Variants in PTPN14 observed in about 807,000 individuals in gnomAD.
PTPN14 encodes the protein protein tyrosine phosphatase non-receptor type 14, also known as tyrosine-protein phosphatase non-receptor type 14.
In PTPN14, 53 loss-of-function variants were observed where a neutral mutation model predicts 126.8. The ratio of observed to expected loss-of-function variants is 0.42; its 90% CI spans 0.34 to 0.53. The LOEUF (loss-of-function observed/expected upper bound fraction) is 0.53, where lower values mean the gene tolerates loss of function less well. Among genes scored for constraint, PTPN14 ranks in the 20% least tolerant of loss-of-function variants. The pLI, the probability that PTPN14 is intolerant of heterozygous loss-of-function variation, is 0.08. For synonymous variants in PTPN14, 630 were observed against 599.3 expected (o/e 1.05, Z -0.75); for missense variants, 1,257 against 1,552.9 (o/e 0.81, Z 3.20).
rs10864101 is a variant in PTPN14, at chr1:214,464,976, T to C, written c.-154-19A>G. On this transcript the variant is annotated intron_variant, in intron 1 of 18. Transcript: ENST00000366956. ...AAGATAGCTGTAAATGCAAAAGAAA[T>C]GCCATGGTCATGCTCCAGAAGGGAC... 591,752 of 723,678 alleles carry C rather than the reference T, an allele frequency of 0.82. 241,813 individuals are homozygous for C. Among genetic ancestry groups the C allele is most frequent in the African/African-American group, 0.9 (50,135 of 55,998 alleles). The allele number at this position is 723,678 out of a possible 1,614,324, so 44.8% of individuals were successfully genotyped here.
At position 214,364,322 on chromosome 1, in the gene PTPN14, C is replaced by A. The variant is rs1480574216; in HGVS notation, c.3435+190G>T. Among the ~76,000 whole-genome samples the A allele has an allele frequency of 1.3e-5, 2 of 152,002 alleles. No individual in the cohort carries two copies. Among genetic ancestry groups the A allele is most frequent in the Non-Finnish European group, 2.9e-5 (2 of 68,012 alleles). ...GTTTTATCTGGGTATCTACACGGAG[C>A]AGTGGGAGGGCAAAAAGATAAGGAG... On this transcript the variant is annotated intron_variant, in intron 18 of 18. Transcript: ENST00000366956. This position sits in a 1 kb window ranked among gnomAD's most constrained non-coding sequence, Gnocchi z 4.1.
intron 1 of PTPN14, among the ~76,000 whole-genome samples, chr1:214,466,165 T>C (rs1660633140): frequency 1.3e-5 from 2 of 151,898 alleles, no homozygotes; most frequent in African/African-American, 4.8e-5. Flanking sequence ...TTTCACCATA[T>C]TGGCCAGGCT....
chr1:214,486,560 G>A (rs145898640), intron 1 of PTPN14, among the ~76,000 whole-genome samples: 3 of 152,232 alleles, frequency 2.0e-5, no homozygotes, highest in Non-Finnish European at 1.5e-5. Context: ...TAGATTCTTC[G>A]GAGTACTTAG....
chr1:214,380,101 G>C (rs1571960754), intron 13 of PTPN14, among the ~76,000 whole-genome samples: 1 of 152,236 alleles, frequency 6.6e-6, no homozygotes, highest in African/African-American at 2.4e-5. Flanking sequence ...TTAGGTCTTT[G>C]TTTGCTTGCT....
intron 13 of PTPN14, among the ~76,000 whole-genome samples, chr1:214,378,582 G>A (rs2102530104): frequency 6.6e-6 from 1 of 152,316 alleles, no homozygotes; most frequent in Middle Eastern, 3.4e-3. Context: ...AAACTGTAGA[G>A]GAAAATCTTC....
At chr1:214,472,153 T>C (rs1660773275) in intron 1 of PTPN14, among the ~76,000 whole-genome samples, 1 of 152,178 alleles carries the variant, frequency 6.6e-6, no homozygotes, top group Non-Finnish European at 1.5e-5. Flanking sequence ...TGAATATATG[T>C]CCTCACCAAA....
chr1:214,432,436 C>T (rs951470805), intron 3 of PTPN14, among the ~76,000 whole-genome samples: 4 of 152,192 alleles, frequency 2.6e-5, no homozygotes, highest in African/African-American at 9.7e-5. Context: ...TACTAACTAG[C>T]ATATGCATAT....
At chr1:214,505,226 G>C (rs77487504) in intron 1 of PTPN14, among the ~76,000 whole-genome samples, 6,732 of 151,814 alleles carry the variant, frequency 0.044, 219 homozygotes, top group Middle Eastern at 0.12. Context: ...TCCAATGCTA[G>C]ATGACACCTG....
rs560388362 is a variant in PTPN14, at chr1:214,432,350, A to T, written c.345-17624T>A. Among the ~76,000 whole-genome samples the T allele has an allele frequency of 2.0e-5, 3 of 152,346 alleles. No individual in the cohort carries two copies. The South Asian group carries it at 6.2e-4, about 32-fold the overall frequency. ...CAGAAAGAAAGAAAAAAGAAACATA[A>T]GACCAAGTATTTAAGATTTCTCAGC... On this transcript the variant is annotated intron_variant, in intron 3 of 18. Coordinates refer to ENST00000366956, the MANE Select transcript of PTPN14 (RefSeq NM_005401.5).
chr1:214,499,401 G>C, intron 1 of PTPN14, among the ~76,000 whole-genome samples: 1 of 151,854 alleles, frequency 6.6e-6, no homozygotes, highest in East Asian at 1.9e-4. Flanking sequence ...ATATATGCTG[G>C]TATACATACA....
chr1:214,407,495 CAAA>C (rs200725524), intron 5 of PTPN14, among the ~76,000 whole-genome samples: 3 of 108,894 alleles, frequency 2.8e-5, no homozygotes, highest in Non-Finnish European at 3.9e-5. Flanking sequence ...AACTCTGTCT[CAAA>C]AAAAAAAAAA....
At chr1:214,429,340 T>C (rs1035244122) in intron 3 of PTPN14, among the ~76,000 whole-genome samples, 5 of 152,222 alleles carry the variant, frequency 3.3e-5, no homozygotes, top group African/African-American at 9.6e-5. Context: ...TAATATTACA[T>C]GAAAACAAGC....
intron 5 of PTPN14, among the ~76,000 whole-genome samples, chr1:214,405,128 A>C (rs1438577630): frequency 2.0e-5 from 3 of 152,154 alleles, no homozygotes; most frequent in African/African-American, 7.2e-5. Flanking sequence ...CCTCTGGGAG[A>C]ACCATCCCAT....
At chr1:214,371,389 G>A (rs1019589996) in intron 16 of PTPN14, among the ~76,000 whole-genome samples, 1 of 152,160 alleles carries the variant, frequency 6.6e-6, no homozygotes, top group African/African-American at 2.4e-5. Flanking sequence ...CCTTTAGTAG[G>A]AGTCCCCTAG....
chr1:214,526,738 G>A (rs905448963), intron 1 of PTPN14, among the ~76,000 whole-genome samples: 1 of 152,172 alleles, frequency 6.6e-6, no homozygotes, highest in Non-Finnish European at 1.5e-5. Flanking sequence ...GAAGTGATGA[G>A]ACAGAAAAGA....
chr1:214,455,023 G>A (rs375650162), intron 2 of PTPN14, among the ~76,000 whole-genome samples: 86 of 152,154 alleles, frequency 5.7e-4, no homozygotes, highest in African/African-American at 2.0e-3. Context: ...TACTCCTCCC[G>A]TTCTTCCTCT....
chr1:214,496,961 A>G (rs999394252), intron 1 of PTPN14, among the ~76,000 whole-genome samples: 2 of 152,184 alleles, frequency 1.3e-5, no homozygotes, highest in African/African-American at 4.8e-5. Context: ...AAGAAAATAC[A>G]TTTTTAAATT....
rs1658027595 is a variant in PTPN14 at position 214,364,485 on chromosome 1, T to G, written c.3435+27A>C. ...GTAGACTTGTCCCCAAGGTGGAGTA[T>G]CCGGAGAGAAGCCCAGAATGACTCA... On this transcript the variant is annotated intron_variant, in intron 18 of 18. Transcript: ENST00000366956. This position sits in a 1 kb window ranked among gnomAD's most constrained non-coding sequence, Gnocchi z 4.1. The G allele has an allele frequency of 6.2e-7, 1 of 1,609,082 alleles. No individual in the cohort carries two copies. Among genetic ancestry groups the G allele is most frequent in the African/African-American group, 1.3e-5 (1 of 74,786 alleles).
At chr1:214,403,491 G>GTTTT (rs1322985307) in intron 5 of PTPN14, among the ~76,000 whole-genome samples, 19 of 152,150 alleles carry the variant, frequency 1.2e-4, no homozygotes, top group Non-Finnish European at 2.1e-4. Flanking sequence ...CATCTCCAGA[G>GTTTT]AGCTCTGTAA....
Sources: gnomAD v4.1 joint callset for allele counts (sites outside exome capture counted in the v4.1 genomes callset) on GRCh38, gnomAD v4.1.1 for gene constraint, Gnocchi (gnomAD v3.1) non-coding constraint, MANE v1.5 for transcripts, NCBI Gene and HGNC (gene_info 2026-07-23, HGNC 2026-07-21) for gene names.